The following STIM1 variants were observed in gnomAD, a reference collection of about 807,000 sequenced individuals.
STIM1 encodes stromal interaction molecule 1.
In STIM1, 25 loss-of-function variants were observed where a neutral mutation model predicts 74.7. That is an observed-to-expected ratio of 0.33 (90% CI 0.24 to 0.47). The LOEUF (loss-of-function observed/expected upper bound fraction) is 0.47. Among genes scored for constraint, STIM1 ranks in the 20% least tolerant of loss-of-function variants. The probability of loss-of-function intolerance (pLI) is 1.00; values close to 1 mark genes in which losing one functional copy is unlikely to be tolerated. For synonymous variants in STIM1, 328 were observed against 348.8 expected (o/e 0.94, Z 0.66); for missense variants, 728 against 920.8 (o/e 0.79, Z 2.71).
intron 1 of STIM1, among the ~76,000 whole-genome samples, chr11:3,903,786 G>A (rs560110268): frequency 4.6e-5 from 7 of 152,310 alleles, no homozygotes; most frequent in African/African-American, 1.7e-4. Flanking sequence ...GTGGGTTGGG[G>A]TGCAGAGATG....
chr11:3,935,523 T>G (rs536203503), intron 1 of STIM1, among the ~76,000 whole-genome samples: 1 of 152,226 alleles, frequency 6.6e-6, no homozygotes, highest in Non-Finnish European at 1.5e-5. Flanking sequence ...CTGGGAAGAC[T>G]TAGTGAAGGA....
intron 3 of STIM1, among the ~76,000 whole-genome samples, chr11:4,053,863 C>T (rs1230743919): frequency 6.6e-6 from 1 of 152,152 alleles, no homozygotes; most frequent in Non-Finnish European, 1.5e-5. Context: ...CCGCCTTAGC[C>T]TCTCAAAGTG....
chr11:3,942,935 G>C (rs528855363), intron 1 of STIM1, among the ~76,000 whole-genome samples: 1 of 152,306 alleles, frequency 6.6e-6, no homozygotes, highest in African/African-American at 2.4e-5. Context: ...AGCTTTTTGA[G>C]TGCAGAGTAG....
chr11:3,892,810 T>C, intron 1 of STIM1: 1 of 1,613,000 alleles, frequency 6.2e-7, no homozygotes. Context: ...GAACCTTGTC[T>C]GCAAATAGCT....
At position 3,977,961 on chromosome 11, in the gene STIM1, C is replaced by T. The variant is rs2093464558; in HGVS notation, c.270+10279C>T. 2.6e-5 allele frequency among the ~76,000 whole-genome samples: 4 copies of T among 152,198 alleles called. No homozygotes were observed. In the South Asian group the frequency reaches 8.3e-4, roughly 32 times the overall value. Reference sequence around the variant, plus strand: ...ATCCCATGGCACCACAGCATTTAGCCATGGGAGCCACTCCCAGCAGTGTGC... The same window carrying T: ...ATCCCATGGCACCACAGCATTTAGCTATGGGAGCCACTCCCAGCAGTGTGC... On this transcript the variant is annotated intron_variant, in intron 2 of 12. Coordinates refer to ENST00000526596, the MANE Select transcript of STIM1 (RefSeq NM_001382567.1).
chr11:3,926,732 T>A (rs1386110863), intron 1 of STIM1, among the ~76,000 whole-genome samples: 1 of 152,236 alleles, frequency 6.6e-6, no homozygotes, highest in South Asian at 2.1e-4. Flanking sequence ...GAATTTTGTA[T>A]CTGCAGCTAA....
In STIM1 at chr11:4,043,488, T is replaced by C. The variant is rs543490135; in HGVS notation, c.386-12038T>C. Among the ~76,000 whole-genome samples the C allele has an allele frequency of 2.0e-5, 3 of 152,324 alleles. No individual in the cohort carries two copies. In the East Asian group the frequency reaches 5.8e-4, roughly 29 times the overall value. On this transcript the variant is annotated intron_variant, in intron 3 of 12. Coordinates refer to ENST00000526596, the MANE Select transcript of STIM1 (RefSeq NM_001382567.1). ...TTGTGAGAAAACATAATATAAATAC[T>C]GATGGGATGGACAACAAGTGATCCA... is the stretch of plus-strand genomic sequence containing the variant.
At chr11:3,988,096 G>C (rs1565137998) in intron 2 of STIM1, among the ~76,000 whole-genome samples, 1 of 152,126 alleles carries the variant, frequency 6.6e-6, no homozygotes. Flanking sequence ...AGTCCTAGAG[G>C]TTTTCCTGCT....
intron 1 of STIM1, among the ~76,000 whole-genome samples, chr11:3,956,823 CAAAAAAAAAAAAAAAA>C (rs78285130): frequency 5.2e-5 from 2 of 38,152 alleles, no homozygotes; most frequent in African/African-American, 7.5e-5. Context: ...ACCCTGTCTC[CAAAAAAAAAAAAAAAA>C]AAAAAAAAAA....
At chr11:3,887,219 C>T (rs774310304) in intron 1 of STIM1, among the ~76,000 whole-genome samples, 1 of 152,134 alleles carries the variant, frequency 6.6e-6, no homozygotes, top group African/African-American at 2.4e-5. Context: ...GTGAGGGCCT[C>T]TAGGGAGAGT....
chr11:4,086,625 T>C (rs1157289337), intron 12 of STIM1, 82 bp downstream of exon 12: 11 of 1,589,524 alleles, frequency 6.9e-6, no homozygotes, highest in Non-Finnish European at 9.4e-6. Flanking sequence ...CTGGACAGTC[T>C]TTCAGTTCTG....
intron 3 of STIM1, among the ~76,000 whole-genome samples, chr11:4,052,301 C>T (rs902850233): frequency 1.3e-5 from 2 of 152,096 alleles, no homozygotes; most frequent in African/African-American, 4.8e-5. Context: ...GCCAAAAGAA[C>T]AAAGCTGGAG....
chr11:3,871,900 T>A (rs918190529), intron 1 of STIM1, among the ~76,000 whole-genome samples: 17 of 152,234 alleles, frequency 1.1e-4, no homozygotes, highest in African/African-American at 3.9e-4. Flanking sequence ...TAGGCATTTA[T>A]TCATACACAA....
chr11:4,024,850 C>T (rs942541191), intron 3 of STIM1, among the ~76,000 whole-genome samples: 3 of 152,070 alleles, frequency 2.0e-5, no homozygotes, highest in South Asian at 4.2e-4. Context: ...TCTAATTGTG[C>T]GAGACTTGAC....
chr11:4,066,643 A>G (rs2094367546), intron 5 of STIM1, among the ~76,000 whole-genome samples: 1 of 152,108 alleles, frequency 6.6e-6, no homozygotes, highest in African/African-American at 2.4e-5. Flanking sequence ...CTAGGAACTC[A>G]AGACTAGCCT....
At chr11:4,002,264 C>T (rs1355821074) in intron 2 of STIM1, among the ~76,000 whole-genome samples, 13 of 150,652 alleles carry the variant, frequency 8.6e-5, no homozygotes, top group Non-Finnish European at 1.2e-4. Context: ...AACTCTCCAC[C>T]CCAAATCAAC....
intron 3 of STIM1, among the ~76,000 whole-genome samples, chr11:4,051,554 G>A (rs751293706): frequency 1.3e-5 from 2 of 151,932 alleles, no homozygotes; most frequent in African/African-American, 2.4e-5. Flanking sequence ...TGTTGGCCAG[G>A]ATGGTCTTGA....
At chr11:4,086,114 G>A (rs1227768893) in intron 11 of STIM1, 4 of 264,086 alleles carry the variant, frequency 1.5e-5, no homozygotes, top group Non-Finnish European at 2.9e-5. Flanking sequence ...ATTATTTCCT[G>A]AGGTTGGCTT....
intron 1 of STIM1, among the ~76,000 whole-genome samples, chr11:3,871,886 G>T (rs1261334408): frequency 2.0e-5 from 3 of 152,176 alleles, no homozygotes; most frequent in Admixed American, 1.3e-4. Flanking sequence ...ATGAAATAAT[G>T]TGATAGGCAT....
Sources: gnomAD v4.1 joint callset for allele counts (sites outside exome capture counted in the v4.1 genomes callset) on GRCh38, gnomAD v4.1.1 for gene constraint, MANE v1.5 for transcripts, NCBI Gene and HGNC (gene_info 2026-07-23, HGNC 2026-07-21) for gene names.